JMJD1C: variants seen among roughly 807,000 people sequenced by gnomAD.
JMJD1C encodes jumonji domain-containing protein 1C.
A neutral mutation model predicts 245.3 loss-of-function variants in JMJD1C; 31 were observed. That is an observed-to-expected ratio of 0.13 (90% confidence interval 0.09 to 0.17). The LOEUF (loss-of-function observed/expected upper bound fraction) is 0.17, where lower values mean the gene tolerates loss of function less well. JMJD1C is among the 10% of genes least tolerant of loss of function. The pLI is 1.00. For missense variants in JMJD1C, 2,691 were observed against 3,000.2 expected, an observed-to-expected ratio of 0.90 and a Z score of 2.41; for synonymous variants, 1,057 against 1,017.4, an observed-to-expected ratio of 1.04 and a Z score of -0.74.
chr10:63,309,494 CAAAAAAAAAAAAAA>C (rs71025153), intron 2 of JMJD1C, among the ~76,000 whole-genome samples: 1 of 49,410 alleles, frequency 2.0e-5, no homozygotes, highest in African/African-American at 8.7e-5. Flanking sequence ...GACTCCATCT[CAAAAAAAAAAAAAA>C]AAAAAAAAAA....
intron 2 of JMJD1C, among the ~76,000 whole-genome samples, chr10:63,273,401 G>C (rs973359741): frequency 2.0e-5 from 3 of 152,084 alleles, no homozygotes; most frequent in African/African-American, 7.2e-5. Context: ...AATTGGTCTG[G>C]TACTCTGGTA....
intron 3 of JMJD1C, among the ~76,000 whole-genome samples, chr10:63,239,741 G>C (rs1851252503): frequency 1.3e-5 from 2 of 152,156 alleles, no homozygotes; most frequent in South Asian, 4.1e-4. Flanking sequence ...CACCGCTCCT[G>C]GCCCTACATG....
chr10:63,468,032 G>A (rs1468357877), upstream of JMJD1C, among the ~76,000 whole-genome samples: 3 of 152,090 alleles, frequency 2.0e-5, no homozygotes, highest in Non-Finnish European at 2.9e-5. Context: ...AATTTTGTAG[G>A]CAAACTGCTC....
chr10:63,333,414 G>T (rs1393426760), intron 2 of JMJD1C, among the ~76,000 whole-genome samples: 1 of 152,144 alleles, frequency 6.6e-6, no homozygotes, highest in Non-Finnish European at 1.5e-5. Context: ...AAATTAGCCA[G>T]CCATGGTGGC....
rs529489065 is a variant in JMJD1C at position 63,369,984 on chromosome 10, G to A, written c.333+10334C>T. Among the ~76,000 whole-genome samples the A allele has an allele frequency of 7.2e-5, 11 of 152,300 alleles. No homozygotes were observed. In the East Asian group the frequency reaches 2.1e-3, roughly 29 times the overall value. On this transcript the variant is annotated intron_variant, in intron 2 of 25. Transcript: ENST00000399262. ...AAAGTTATTAGTCTGACCTCCCAGA[G>A]GCCAAAGCTACACCTTTCAGCTAGT...
chr10:63,243,722 G>A (rs1249715924), intron 3 of JMJD1C, among the ~76,000 whole-genome samples: 1 of 151,754 alleles, frequency 6.6e-6, no homozygotes, highest in Non-Finnish European at 1.5e-5. Context: ...CCCCTCAGTA[G>A]AAAACAAAAA....
intron 2 of JMJD1C, among the ~76,000 whole-genome samples, chr10:63,362,306 C>T (rs901453619): frequency 3.3e-5 from 5 of 151,078 alleles, no homozygotes; most frequent in Admixed American, 2.0e-4. Flanking sequence ...CCTTTTAATT[C>T]ATAACTAAAG....
chr10:63,490,978 T>G lies in JMJD1C; in HGVS notation n.113+30760A>C, dbSNP rs1954156389. On this transcript the variant is annotated intron_variant and non_coding_transcript_variant, in intron 1 of 3. Transcript: ENST00000633035. ...ATGAGCAATCTATAGATAGCTCATT[T>G]AATCCATGCAACAACTCTATGTGCT... Among the ~76,000 whole-genome samples, 4 of 152,204 alleles carry G rather than the reference T, an allele frequency of 2.6e-5. No homozygotes were observed. In the South Asian group the frequency reaches 8.3e-4, roughly 32 times the overall value.
chr10:63,424,228 CTT>C (rs5785572), intron 1 of JMJD1C, among the ~76,000 whole-genome samples: 196 of 139,740 alleles, frequency 1.4e-3, no homozygotes, highest in Middle Eastern at 3.7e-3. Flanking sequence ...CCATACCCAG[CTT>C]TTTTTTTTTT....
At chr10:63,336,411 T>C (rs560413127) in intron 2 of JMJD1C, among the ~76,000 whole-genome samples, 3 of 152,180 alleles carry the variant, frequency 2.0e-5, no homozygotes, top group African/African-American at 4.8e-5. Context: ...TGGGCCAAGA[T>C]TGCACTACTG....
At chr10:63,486,854 C>A (rs1954016767) in intron 1 of JMJD1C, among the ~76,000 whole-genome samples, 1 of 152,192 alleles carries the variant, frequency 6.6e-6, no homozygotes, top group African/African-American at 2.4e-5. Context: ...TTCCCTACCC[C>A]TTATCATCAT....
chr10:63,520,449 T>C (rs1955174029), intron 1 of JMJD1C, among the ~76,000 whole-genome samples: 1 of 148,652 alleles, frequency 6.7e-6, no homozygotes, highest in African/African-American at 2.5e-5. Flanking sequence ...TCGTCTTAAC[T>C]GGAAAAAATA....
chr10:63,326,380 A>AT (rs1941503351), intron 2 of JMJD1C, among the ~76,000 whole-genome samples: 3 of 113,332 alleles, frequency 2.6e-5, no homozygotes, highest in East Asian at 2.3e-4. Flanking sequence ...ATTCCATCTC[A>AT]AAAATAAATA....
intron 1 of JMJD1C, among the ~76,000 whole-genome samples, chr10:63,492,589 AC>A (rs1397016228): frequency 6.6e-6 from 1 of 152,048 alleles, no homozygotes; most frequent in African/African-American, 2.4e-5. Flanking sequence ...CATGAGAACC[AC>A]CTGAACCCAG....
intron 12 of JMJD1C, among the ~76,000 whole-genome samples, chr10:63,197,874 C>T (rs1845620945): frequency 1.3e-5 from 2 of 152,192 alleles, no homozygotes; most frequent in African/African-American, 4.8e-5. Flanking sequence ...TGTTCAGAGG[C>T]ATCTGTAGCC....
intron 1 of JMJD1C, among the ~76,000 whole-genome samples, chr10:63,426,806 T>C (rs1299247582): frequency 6.6e-6 from 1 of 152,200 alleles, no homozygotes; most frequent in Non-Finnish European, 1.5e-5. Context: ...AGTCTTACTC[T>C]GAGTATCTAG....
chr10:63,398,528 A>G (rs766508959), intron 1 of JMJD1C, among the ~76,000 whole-genome samples: 12 of 152,132 alleles, frequency 7.9e-5, no homozygotes, highest in Non-Finnish European at 1.0e-4. Context: ...GTGTTGTCTG[A>G]TTATATTTTT....
At chr10:63,424,230 T>C (rs1304318519) in intron 1 of JMJD1C, among the ~76,000 whole-genome samples, 1 of 24,582 alleles carries the variant, frequency 4.1e-5, no homozygotes, top group East Asian at 2.0e-3. Flanking sequence ...ATACCCAGCT[T>C]TTTTTTTTTT....
At chr10:63,174,497 G>A (rs931109605) in intron 24 of JMJD1C, among the ~76,000 whole-genome samples, 1 of 151,866 alleles carries the variant, frequency 6.6e-6, no homozygotes. Context: ...CAAAAAAGCA[G>A]ATTAGTTGCA....
Sources: allele counts gnomAD v4.1 joint callset (sites outside exome capture counted in the v4.1 genomes callset), GRCh38; gene constraint gnomAD v4.1.1; transcripts MANE v1.5; gene names NCBI Gene and HGNC (gene_info 2026-07-23, HGNC 2026-07-21).